Variants in ACOT11 observed in about 807,000 individuals in gnomAD.
ACOT11 encodes acyl-coenzyme A thioesterase 11.
Under a neutral mutation model 77.5 loss-of-function variants are expected in ACOT11, and 69 were observed. That is an observed-to-expected ratio of 0.89 (90% CI 0.73 to 1.09). ACOT11 has a LOEUF of 1.09. ACOT11 is among the 50% of genes least tolerant of loss of function. The probability of loss-of-function intolerance (pLI) is 0.00; values close to 1 mark genes in which losing one functional copy is unlikely to be tolerated. For synonymous variants in ACOT11, 279 were observed against 313.0 expected, an observed-to-expected ratio of 0.89 and a Z score of 1.15; for missense variants, 766 against 813.7, an observed-to-expected ratio of 0.94 and a Z score of 0.71.
At chr1:54,611,573 G>C (rs1644118675), downstream of ACOT11, 1 of 1,610,642 alleles carries the variant, frequency 6.2e-7, no homozygotes, top group African/African-American at 1.3e-5. Context: ...GCAGAATCCA[G>C]CCCACACCAC....
intron 15 of ACOT11, chr1:54,630,702 A>G (rs533978238): frequency 9.1e-6 from 6 of 659,602 alleles, no homozygotes; most frequent in South Asian, 5.3e-5. Context: ...TCACACCTCT[A>G]TATTTCTCTG....
intron 1 of ACOT11, among the ~76,000 whole-genome samples, chr1:54,552,070 C>G (rs139154396): frequency 1.8e-4 from 28 of 152,280 alleles, no homozygotes; most frequent in African/African-American, 6.3e-4. Flanking sequence ...GTTCACCCCA[C>G]GGTTCACGGT....
intron 15 of ACOT11, chr1:54,615,913 G>T: frequency 8.5e-7 from 1 of 1,169,960 alleles, no homozygotes; most frequent in Non-Finnish European, 1.2e-6. Flanking sequence ...AAGGCAATGA[G>T]CACCTCGTGT....
At position 54,605,058 on chromosome 1, in the gene ACOT11, GC is replaced by G. The variant is rs1644008821; in HGVS notation, c.1237-15del. On this transcript the variant is annotated splice_polypyrimidine_tract_variant and intron_variant, in intron 12 of 15. Transcript: ENST00000343744. The stretch of plus-strand genomic sequence containing the variant: ...ACTCCACCACCCAGCAAATGAGGCT[GC>G]CCTCTATCCCATGCAGGTCCGCCTG... 2 of 1,605,282 alleles carry G rather than the reference GC, an allele frequency of 1.2e-6. No individual in the cohort carries two copies. The highest frequency in any genetic ancestry group is 1.7e-6 in the Non-Finnish European group (2 of 1,175,490).
Position 54,608,069 on chromosome 1 carries a change from G to A in ACOT11, c.1629+1G>A. ...GCGCGAGGGGGACCAGCTGACCAAG[G>A]TGAGGCCGGTCCCCCCAACCACGCC... is the stretch of plus-strand genomic sequence containing the variant. On this transcript the variant is annotated splice_donor_variant, in intron 15 of 15. Transcript: ENST00000343744. LOFTEE classifies it high-confidence loss of function. 6.2e-7 allele frequency: 1 copy of A among 1,609,674 alleles called. No individual in the cohort carries two copies. The highest frequency in any genetic ancestry group is 1.1e-5 in the South Asian group (1 of 90,906).
chr1:54,596,857 G>A (rs1557661299), intron 6 of ACOT11, among the ~76,000 whole-genome samples: 1 of 152,232 alleles, frequency 6.6e-6, no homozygotes, highest in Non-Finnish European at 1.5e-5. Flanking sequence ...TTACAGGCAT[G>A]AGCCATTATG....
At chr1:54,590,706 T>C (rs949571004) in intron 3 of ACOT11, among the ~76,000 whole-genome samples, 7 of 152,192 alleles carry the variant, frequency 4.6e-5, no homozygotes, top group African/African-American at 1.7e-4. Flanking sequence ...ATAATTAACA[T>C]TTTTCTAAAT....
At chr1:54,619,626 G>C (rs919338793) in intron 15 of ACOT11, among the ~76,000 whole-genome samples, 1 of 152,170 alleles carries the variant, frequency 6.6e-6, no homozygotes, top group Non-Finnish European at 1.5e-5. Context: ...CTGGGAGGGA[G>C]GACAGTATAG....
chr1:54,576,138 G>C (rs1468161564), intron 1 of ACOT11, among the ~76,000 whole-genome samples: 1 of 152,190 alleles, frequency 6.6e-6, no homozygotes, highest in Non-Finnish European at 1.5e-5. Flanking sequence ...GTGAGGGGTG[G>C]AGTCATGGGA....
Position 54,610,141 on chromosome 1 carries a change from T to C in ACOT11, c.*1029T>C. ...GTGCATGAGAAACTCTTGTTTCAGC[T>C]CTTGGCCTTTACCCATGACTCAGCC... On this transcript the variant is annotated 3_prime_UTR_variant, in exon 16 of 16. Transcript: ENST00000343744. 1.3e-5 allele frequency: 18 copies of C among 1,433,342 alleles called. No individual in the cohort carries two copies. The highest frequency in any genetic ancestry group is 1.5e-5 in the South Asian group (1 of 65,954). The allele number at this position is 1,433,342 out of a possible 1,614,324, so 88.8% of individuals were successfully genotyped here.
intron 4 of ACOT11, among the ~76,000 whole-genome samples, 158 bp from the exon 5 acceptor site, chr1:54,593,783 C>A (rs1654797382): frequency 1.3e-5 from 2 of 152,132 alleles, no homozygotes; most frequent in Non-Finnish European, 2.9e-5. Flanking sequence ...AGAGTCAAAC[C>A]CCCCCTCAGA....
chr1:54,630,826 C>T (rs181641614), exon 16 of ACOT11: 13 of 768,780 alleles, frequency 1.7e-5, no homozygotes, highest in African/African-American at 3.4e-5. Flanking sequence ...GTCGCAGGAG[C>T]GACGGTTGGA....
chr1:54,571,506 C>A (rs1653930865), intron 1 of ACOT11, among the ~76,000 whole-genome samples: 1 of 152,166 alleles, frequency 6.6e-6, no homozygotes, highest in Non-Finnish European at 1.5e-5. Flanking sequence ...CTGCCAGAGA[C>A]TAGATTGTGC....
chr1:54,614,711 G>C, downstream of ACOT11: 1 of 1,613,046 alleles, frequency 6.2e-7, no homozygotes, highest in Non-Finnish European at 8.5e-7. Flanking sequence ...GTGTGGCATT[G>C]ACCTCAGTTG....
intron 15 of ACOT11, among the ~76,000 whole-genome samples, chr1:54,618,323 G>A (rs375251867): frequency 6.6e-6 from 1 of 152,076 alleles, no homozygotes; most frequent in East Asian, 1.9e-4. Flanking sequence ...GGTCAACATG[G>A]TGAAAACCCA....
chr1:54,590,912 G>A (rs928360493), intron 3 of ACOT11, among the ~76,000 whole-genome samples: 2 of 152,072 alleles, frequency 1.3e-5, no homozygotes, highest in African/African-American at 4.8e-5. Context: ...GCCCTACCAT[G>A]CTCAGCTTAT....
chr1:54,595,216 T>C (rs547256765), intron 6 of ACOT11, among the ~76,000 whole-genome samples: 1 of 152,040 alleles, frequency 6.6e-6, no homozygotes, highest in African/African-American at 2.4e-5. Flanking sequence ...TGTAGTGGCG[T>C]GCACCTGTAA....
chr1:54,605,846 T>C (rs992079773), intron 13 of ACOT11, among the ~76,000 whole-genome samples: 1 of 152,160 alleles, frequency 6.6e-6, no homozygotes, highest in Non-Finnish European at 1.5e-5. Flanking sequence ...CTTAGGAAAA[T>C]AGCAAAATTT....
At position 54,592,620 on chromosome 1, in the gene ACOT11, G is replaced by T; in HGVS notation, c.372+14G>T. Reference sequence around the variant, plus strand: ...TCCAGCATGGAGGTGTGTGGGGTGGGCACTGCTTGGGAGTGGGTGCGTGGG... The same window carrying T: ...TCCAGCATGGAGGTGTGTGGGGTGGTCACTGCTTGGGAGTGGGTGCGTGGG... On this transcript the variant is annotated intron_variant, in intron 4 of 15. Coordinates refer to ENST00000343744, the MANE Select transcript of ACOT11 (RefSeq NM_147161.4). 1 of 1,613,030 alleles carries T rather than the reference G, an allele frequency of 6.2e-7. No individual in the cohort carries two copies. The highest frequency in any genetic ancestry group is 1.1e-5 in the South Asian group (1 of 90,778).
Sources: allele counts gnomAD v4.1 joint callset (sites outside exome capture counted in the v4.1 genomes callset), GRCh38; gene constraint gnomAD v4.1.1; transcripts MANE v1.5; gene names NCBI Gene and HGNC (gene_info 2026-07-23, HGNC 2026-07-21).